Variants in TMEM117 observed in about 807,000 individuals in gnomAD.
The protein encoded by TMEM117 is transmembrane protein 117.
Under a neutral mutation model 52.4 loss-of-function variants are expected in TMEM117, and 27 were observed. The ratio of observed to expected loss-of-function variants is 0.51; its 90% confidence interval spans 0.38 to 0.71. The LOEUF (loss-of-function observed/expected upper bound fraction) is 0.71, where lower values mean the gene tolerates loss of function less well. Ranked by LOEUF, TMEM117 falls within the 30% of genes least tolerant of loss-of-function variation. The pLI, the probability that TMEM117 is intolerant of heterozygous loss-of-function variation, is 0.00. For missense variants in TMEM117, 556 were observed against 630.5 expected (o/e 0.88, Z 1.26); for synonymous variants, 215 against 206.3 (o/e 1.04, Z -0.36).
At chr12:44,356,617 G>T (rs1951652766) in intron 6 of TMEM117, among the ~76,000 whole-genome samples, 1 of 151,998 alleles carries the variant, frequency 6.6e-6, no homozygotes, top group Admixed American at 6.6e-5. Context: ...TCTGCCCTCT[G>T]TATTTTGTTG....
chr12:44,157,991 A>G (rs2138245632), intron 4 of TMEM117, among the ~76,000 whole-genome samples: 1 of 152,292 alleles, frequency 6.6e-6, no homozygotes, highest in Non-Finnish European at 1.5e-5. Flanking sequence ...ACTCATCCAA[A>G]TAGTTTTCTT....
At chr12:44,357,692 G>A (rs1052176882) in intron 6 of TMEM117, among the ~76,000 whole-genome samples, 2 of 152,100 alleles carry the variant, frequency 1.3e-5, no homozygotes, top group African/African-American at 4.8e-5. Context: ...AGACTGCAGA[G>A]GAAAGAGAAT....
chr12:43,850,982 A>G (rs146759642), intron 2 of TMEM117, among the ~76,000 whole-genome samples: 1 of 152,336 alleles, frequency 6.6e-6, no homozygotes, highest in East Asian at 1.9e-4. Context: ...TACAAAAATG[A>G]TCAGAATCAT....
intron 7 of TMEM117, among the ~76,000 whole-genome samples, chr12:44,384,059 G>T (rs1952056222): frequency 6.6e-6 from 1 of 152,214 alleles, no homozygotes; most frequent in Non-Finnish European, 1.5e-5. Context: ...CAGGGGTTGG[G>T]TTGCCCTGCC....
At chr12:44,336,767 T>C (rs17094473) in intron 6 of TMEM117, among the ~76,000 whole-genome samples, 4,215 of 152,036 alleles carry the variant, frequency 0.028, 96 homozygotes, top group African/African-American at 0.055. Flanking sequence ...GAGCAAGCAC[T>C]TTATAAATGA....
intron 3 of TMEM117, among the ~76,000 whole-genome samples, chr12:44,142,430 T>C (rs1045333155): frequency 6.6e-6 from 1 of 152,162 alleles, no homozygotes; most frequent in Non-Finnish European, 1.5e-5. Context: ...AAATATCTGT[T>C]TATTTTATGG....
chr12:44,051,046 A>G (rs555819667), intron 3 of TMEM117, among the ~76,000 whole-genome samples: 47 of 152,362 alleles, frequency 3.1e-4, no homozygotes, highest in African/African-American at 1.1e-3. Context: ...CAACAATAAT[A>G]ATCTCTTTAT....
intron 2 of TMEM117, among the ~76,000 whole-genome samples, chr12:43,874,186 A>C (rs1034364280): frequency 6.6e-6 from 1 of 152,210 alleles, no homozygotes; most frequent in Non-Finnish European, 1.5e-5. Context: ...TAGTGAAGAC[A>C]ACAAGACATT....
At chr12:44,230,173 G>A (rs1244914951) in intron 5 of TMEM117, among the ~76,000 whole-genome samples, 2 of 152,022 alleles carry the variant, frequency 1.3e-5, no homozygotes, top group Non-Finnish European at 1.5e-5. Flanking sequence ...TTATACATAA[G>A]GAAACAGGCT....
At chr12:43,984,038 A>G (rs1189952404) in intron 3 of TMEM117, among the ~76,000 whole-genome samples, 1 of 152,124 alleles carries the variant, frequency 6.6e-6, no homozygotes, top group Non-Finnish European at 1.5e-5. Context: ...TCCCATAAGC[A>G]TGTGAAACCA....
chr12:44,215,257 T>C (rs1324644373), intron 5 of TMEM117, among the ~76,000 whole-genome samples: 1 of 152,206 alleles, frequency 6.6e-6, no homozygotes, highest in African/African-American at 2.4e-5. Flanking sequence ...CACAAACACC[T>C]GTCAGAAACT....
At chr12:43,797,377 T>C in the TMEM117 span, 1 of 1,605,512 alleles carries the variant, frequency 6.2e-7, no homozygotes, top group Admixed American at 1.7e-5. Context: ...TCCTTGGGAA[T>C]CCTCTTTGGC....
chr12:44,171,237 G>A (rs1949041976), intron 4 of TMEM117, among the ~76,000 whole-genome samples: 2 of 152,014 alleles, frequency 1.3e-5, no homozygotes, highest in African/African-American at 2.4e-5. Flanking sequence ...GGATGGTCTC[G>A]ATCTCCTGAC....
chr12:43,827,563 A>G, the TMEM117 span, among the ~76,000 whole-genome samples: 1 of 152,182 alleles, frequency 6.6e-6, no homozygotes, highest in Admixed American at 6.5e-5. Flanking sequence ...TATTTACAAA[A>G]ACACATTATC....
upstream of TMEM117, among the ~76,000 whole-genome samples, chr12:43,834,021 A>G (rs1372209700): frequency 4.6e-5 from 7 of 152,194 alleles, no homozygotes; most frequent in African/African-American, 1.7e-4. Context: ...TGAGCCCAGC[A>G]GGTCAAGGCT....
chr12:44,135,219 T>C (rs762376342), intron 3 of TMEM117, among the ~76,000 whole-genome samples: 5 of 152,164 alleles, frequency 3.3e-5, no homozygotes, highest in Non-Finnish European at 7.4e-5. Flanking sequence ...TTGGGCATCA[T>C]TGTATATGTC....
At chr12:44,176,490 ATT>A (rs1390644467) in intron 4 of TMEM117, among the ~76,000 whole-genome samples, 1 of 152,194 alleles carries the variant, frequency 6.6e-6, no homozygotes, top group East Asian at 1.9e-4. Context: ...AAGAGCTATG[ATT>A]TGTTTATCCA....
At chr12:44,150,965 T>C (rs1457002902) in intron 4 of TMEM117, among the ~76,000 whole-genome samples, 1 of 152,166 alleles carries the variant, frequency 6.6e-6, no homozygotes, top group African/African-American at 2.4e-5. Context: ...CATCAAAATA[T>C]CAAATAATTC....
intron 3 of TMEM117, among the ~76,000 whole-genome samples, chr12:44,008,383 G>GGGAC (rs1216487865): frequency 2.6e-5 from 4 of 152,136 alleles, no homozygotes; most frequent in Admixed American, 2.6e-4. Context: ...AGATAGATAG[G>GGGAC]TAAAGATATC....
Sources: gnomAD v4.1 joint callset for allele counts (sites outside exome capture counted in the v4.1 genomes callset) on GRCh38, gnomAD v4.1.1 for gene constraint, MANE v1.5 for transcripts, NCBI Gene and HGNC (gene_info 2026-07-23, HGNC 2026-07-21) for gene names.